Variants in ANK1 observed in about 807,000 individuals in gnomAD.
ANK1 encodes the protein ankyrin 1.
A neutral mutation model predicts 210.4 loss-of-function variants in ANK1; 51 were observed. That is an observed-to-expected ratio of 0.24 (90% CI 0.19 to 0.31). The LOEUF is 0.31. Among genes scored for constraint, ANK1 ranks in the 10% least tolerant of loss-of-function variants. The probability of loss-of-function intolerance (pLI) is 1.00; values close to 1 mark genes in which losing one functional copy is unlikely to be tolerated. For missense variants in ANK1, 2,051 were observed against 2,504.4 expected, an observed-to-expected ratio of 0.82 and a Z score of 3.86; for synonymous variants, 967 against 1,025.9, an observed-to-expected ratio of 0.94 and a Z score of 1.10.
intron 6 of ANK1, 99 bp downstream of exon 6, chr8:41,725,662 G>T (rs1425315542): frequency 2.7e-6 from 4 of 1,496,786 alleles, no homozygotes; most frequent in Non-Finnish European, 2.7e-6. Flanking sequence ...CGCCCTGCAC[G>T]CTCGGTTCTC....
At chr8:41,668,708 A>C in intron 38 of ANK1, 144 bp from the exon 39 acceptor site, 14 of 925,246 alleles carry the variant, frequency 1.5e-5, no homozygotes, top group Admixed American at 2.7e-5. Flanking sequence ...CATCCCTCCA[A>C]AGGTCAGGGG....
intron 6 of ANK1, 102 bp downstream of exon 6, chr8:41,725,659 C>G (rs1830491737): frequency 6.7e-7 from 1 of 1,488,716 alleles, no homozygotes; most frequent in Non-Finnish European, 9.0e-7. Context: ...GCCCGCCCTG[C>G]ACGCTCGGTT....
chr8:41,889,574 A>G (rs1819048311), intron 1 of ANK1, among the ~76,000 whole-genome samples: 1 of 152,224 alleles, frequency 6.6e-6, no homozygotes, highest in Non-Finnish European at 1.5e-5. Context: ...GCTGGCCATT[A>G]CATCTTTGCT....
intron 37 of ANK1, among the ~76,000 whole-genome samples, chr8:41,673,873 C>T (rs996253768): frequency 1.3e-5 from 2 of 152,192 alleles, no homozygotes; most frequent in African/African-American, 4.8e-5. Flanking sequence ...GAAGCAAGTA[C>T]GTGCTTACAG....
chr8:41,846,130 T>C (rs1364189404), intron 1 of ANK1, among the ~76,000 whole-genome samples: 4 of 152,264 alleles, frequency 2.6e-5, no homozygotes, highest in East Asian at 1.9e-4. Context: ...GGGTCTATGA[T>C]TGGACAAACA....
chr8:41,841,848 A>AC (rs1808968206), intron 1 of ANK1, among the ~76,000 whole-genome samples: 1 of 152,168 alleles, frequency 6.6e-6, no homozygotes, highest in South Asian at 2.1e-4. Context: ...ACTGGTAACC[A>AC]CCTGTGGCCA....
chr8:41,685,086 G>A lies in ANK1; in HGVS notation c.4391-396C>T, dbSNP rs138623313. Among the ~76,000 whole-genome samples the A allele has an allele frequency of 4.4e-3, 673 of 152,194 alleles. 5 individuals carry two copies. Among genetic ancestry groups the A allele is most frequent in the African/African-American group, 0.016 (646 of 41,518 alleles). On this transcript the variant is annotated intron_variant, in intron 36 of 42. Coordinates refer to ENST00000289734, the MANE Select transcript of ANK1 (RefSeq NM_000037.4). ...TGGGATTACAGGTGCATGCCACCAC[G>A]CCCTGCTAATTTTTGTACTTTTAGT... is the stretch of plus-strand genomic sequence containing the variant.
intron 1 of ANK1, among the ~76,000 whole-genome samples, chr8:41,773,973 A>G (rs1297380852): frequency 6.6e-6 from 1 of 152,236 alleles, no homozygotes; most frequent in Non-Finnish European, 1.5e-5. Context: ...AGCGAACAGA[A>G]TGTTTTATGT....
At chr8:41,680,400 C>A (rs1815596819) in intron 37 of ANK1, among the ~76,000 whole-genome samples, 1 of 151,894 alleles carries the variant, frequency 6.6e-6, no homozygotes, top group Admixed American at 6.6e-5. Context: ...CCCGTCTCTA[C>A]TAAAATATAA....
At position 41,653,268 on chromosome 8, in the gene ANK1, T is replaced by C. The variant is rs893959274; in HGVS notation, c.*2522A>G. 2.0e-5 allele frequency: 3 copies of C among 152,646 alleles called. No individual in the cohort carries two copies. Among genetic ancestry groups the C allele is most frequent in the African/African-American group, 4.8e-5 (2 of 41,430 alleles). 9.5% of individuals were successfully genotyped at this position (152,646 alleles called of 1,614,324 possible). A position where few individuals can be genotyped will look rare whatever the true frequency, so the allele number is the denominator to read the frequency against. On this transcript the variant is annotated 3_prime_UTR_variant, in exon 43 of 43. Transcript: ENST00000289734. ...TTATTAATTTTGACATTGGTTCGGCTGGTGAAGGGAGAATGGTCTATACAT... is the reference window on the plus strand; with the variant it reads ...TTATTAATTTTGACATTGGTTCGGCCGGTGAAGGGAGAATGGTCTATACAT...
intron 10 of ANK1, 81 bp from the exon 11 acceptor site, chr8:41,718,285 T>G: frequency 7.1e-7 from 1 of 1,406,106 alleles, no homozygotes; most frequent in Non-Finnish European, 1.0e-6. Flanking sequence ...ACCTGGCTGC[T>G]CTAAAAGGCA....
chr8:41,852,440 C>T (rs953914716), intron 1 of ANK1, among the ~76,000 whole-genome samples: 1 of 152,188 alleles, frequency 6.6e-6, no homozygotes, highest in African/African-American at 2.4e-5. Flanking sequence ...GACCCGGGCA[C>T]CTCCTACGCT....
chr8:41,680,359 T>G (rs930130583), intron 37 of ANK1, among the ~76,000 whole-genome samples: 8 of 151,972 alleles, frequency 5.3e-5, no homozygotes, highest in Non-Finnish European at 4.4e-5. Flanking sequence ...GGTCAGGAGT[T>G]TGAGACCAGC....
intron 2 of ANK1, among the ~76,000 whole-genome samples, chr8:41,742,608 C>T (rs1041036453): frequency 3.3e-5 from 5 of 152,276 alleles, no homozygotes; most frequent in South Asian, 2.1e-4. Context: ...ATATAACACT[C>T]GGGAAACACA....
At chr8:41,679,378 A>G (rs1189196684) in intron 37 of ANK1, among the ~76,000 whole-genome samples, 3 of 151,874 alleles carry the variant, frequency 2.0e-5, no homozygotes, top group Non-Finnish European at 2.9e-5. Context: ...ATTTTTCCCT[A>G]TTTGTGAGAT....
At chr8:41,710,282 C>A (rs1424846944) in intron 16 of ANK1, among the ~76,000 whole-genome samples, 2 of 152,130 alleles carry the variant, frequency 1.3e-5, no homozygotes, top group Non-Finnish European at 1.5e-5. Context: ...CTAGGGCAGG[C>A]ATTTTTATTA....
In ANK1 at chr8:41,692,743, G is replaced by A. The variant is rs148275567; in HGVS notation, c.3763C>T (p.Arg1255Cys). Residue 1255 changes from arginine (R) to cysteine (C), a missense_variant, in exon 31 of 43, where the codon CGC (arginine) becomes TGC (cysteine). This residue lies in a region of ANK1 where 1,413 missense variants were observed against 1,707.4 expected (regional missense o/e 0.83). Transcript: ENST00000289734. ...FAKMNDPREG[R>C]LRCYCMTDDK... Reference sequence around the variant, plus strand: ...TCTGTCATGCAGTAGCAGCGCAGGCGCCCCTCTCGGGGGTCATTCATCTTG... The same window carrying A: ...TCTGTCATGCAGTAGCAGCGCAGGCACCCCTCTCGGGGGTCATTCATCTTG... 498 of 1,614,010 alleles carry A rather than the reference G, an allele frequency of 3.1e-4. No homozygotes were observed. Among genetic ancestry groups the A allele is most frequent in the Non-Finnish European group, 3.2e-4 (374 of 1,180,020 alleles).
At chr8:41,811,172 T>C (rs1475885336) in intron 1 of ANK1, among the ~76,000 whole-genome samples, 1 of 152,196 alleles carries the variant, frequency 6.6e-6, no homozygotes, top group Non-Finnish European at 1.5e-5. Flanking sequence ...GCCTATCCTT[T>C]AGCAAAGCTC....
intron 1 of ANK1, among the ~76,000 whole-genome samples, chr8:41,813,550 C>A (rs1278276601): frequency 6.6e-6 from 1 of 152,160 alleles, no homozygotes; most frequent in Non-Finnish European, 1.5e-5. Flanking sequence ...AATATATCTG[C>A]AAAATAACTT....
Sources: gnomAD v4.1 joint callset for allele counts (sites outside exome capture counted in the v4.1 genomes callset) on GRCh38, gnomAD v4.1.1 for gene constraint, gnomAD v4.1.1 regional missense constraint, MANE v1.5 for transcripts, NCBI Gene and HGNC (gene_info 2026-07-23, HGNC 2026-07-21) for gene names.